The following CSNK2A2IP variants were observed in gnomAD, a reference collection of about 807,000 sequenced individuals.
CSNK2A2IP encodes casein kinase 2 subunit alpha' interacting protein.
the CSNK2A2IP span, among the ~76,000 whole-genome samples, chr3:88,417,621 C>T: frequency 3.9e-5 from 6 of 152,200 alleles, no homozygotes; most frequent in Non-Finnish European, 8.8e-5. Flanking sequence ...ATGAGTATGA[C>T]AGGCAATCTA....
chr3:88,438,486 C>T, the CSNK2A2IP span, among the ~76,000 whole-genome samples: 7 of 152,142 alleles, frequency 4.6e-5, no homozygotes, highest in Admixed American at 2.0e-4. Context: ...CCCCACCTTT[C>T]TGTGTAAGTG....
At chr3:88,364,257 T>C in the CSNK2A2IP span, among the ~76,000 whole-genome samples, 1 of 152,176 alleles carries the variant, frequency 6.6e-6, no homozygotes, top group African/African-American at 2.4e-5. Context: ...CTGAAAAACA[T>C]CATTTTATAT....
At chr3:88,431,188 T>TGG in the CSNK2A2IP span, 2 of 152,196 alleles carry the variant, frequency 1.3e-5, no homozygotes, top group African/African-American at 4.8e-5. Flanking sequence ...ATATTAAGTT[T>TGG]GGGGCTGGTC....
At chr3:88,370,851 A>T in the CSNK2A2IP span, among the ~76,000 whole-genome samples, 1 of 151,670 alleles carries the variant, frequency 6.6e-6, no homozygotes, top group Non-Finnish European at 1.5e-5. Context: ...TGGAGCCTTG[A>T]TTTGATAAGA....
the CSNK2A2IP span, among the ~76,000 whole-genome samples, chr3:88,371,270 T>A: frequency 6.6e-6 from 1 of 151,856 alleles, no homozygotes; most frequent in African/African-American, 2.4e-5. Flanking sequence ...GCAGCTATTA[T>A]AAGTTTTCAA....
the CSNK2A2IP span, among the ~76,000 whole-genome samples, chr3:88,423,425 A>G: frequency 1.5e-4 from 23 of 152,054 alleles, no homozygotes; most frequent in Admixed American, 1.4e-3. Flanking sequence ...AAGTGTCAAG[A>G]TTACAAGGAG....
the CSNK2A2IP span, among the ~76,000 whole-genome samples, chr3:88,403,730 G>A: frequency 6.6e-6 from 1 of 152,112 alleles, no homozygotes; most frequent in Non-Finnish European, 1.5e-5. Flanking sequence ...AGGAGCTCAG[G>A]CTTAGAGGGA....
chr3:88,451,560 T>A, the CSNK2A2IP span, among the ~76,000 whole-genome samples: 1 of 151,990 alleles, frequency 6.6e-6, no homozygotes, highest in African/African-American at 2.4e-5. Flanking sequence ...TGATTCTACC[T>A]AATGTTCCTT....
chr3:88,361,298 G>T, the CSNK2A2IP span, among the ~76,000 whole-genome samples: 1 of 152,140 alleles, frequency 6.6e-6, no homozygotes, highest in Admixed American at 6.5e-5. Context: ...AGATAGGGCT[G>T]GTTTTGGTGA....
chr3:88,418,086 A>G, the CSNK2A2IP span, among the ~76,000 whole-genome samples: 1 of 151,110 alleles, frequency 6.6e-6, no homozygotes, highest in African/African-American at 2.4e-5. Context: ...GGACTGTAGT[A>G]AATTTTATAG....
chr3:88,466,135 C>T, the CSNK2A2IP span: 34,333 of 1,231,614 alleles, frequency 0.028, 545 homozygotes, highest in Non-Finnish European at 0.031. Context: ...TTGGACATCA[C>T]CTTCTTTCAA....
the CSNK2A2IP span, among the ~76,000 whole-genome samples, chr3:88,364,309 G>T: frequency 4.6e-5 from 7 of 151,908 alleles, no homozygotes; most frequent in Non-Finnish European, 1.0e-4. Context: ...GCTTCAGGTG[G>T]GATGGTAAAT....
chr3:88,447,659 T>G, the CSNK2A2IP span, among the ~76,000 whole-genome samples: 69 of 152,098 alleles, frequency 4.5e-4, no homozygotes, highest in Non-Finnish European at 7.1e-4. Flanking sequence ...TGTATTTGTA[T>G]AAAAATGCAG....
chr3:88,412,092 G>A, the CSNK2A2IP span, among the ~76,000 whole-genome samples: 1 of 151,768 alleles, frequency 6.6e-6, no homozygotes, highest in East Asian at 1.9e-4. Flanking sequence ...AGTTTGGTGT[G>A]AAAAATAAGT....
chr3:88,440,013 A>G, the CSNK2A2IP span, among the ~76,000 whole-genome samples: 1 of 152,168 alleles, frequency 6.6e-6, no homozygotes, highest in Non-Finnish European at 1.5e-5. Context: ...TGACAGTGTA[A>G]TGTTAGGCAA....
At chr3:88,351,642 A>G in the CSNK2A2IP span, among the ~76,000 whole-genome samples, 1 of 152,118 alleles carries the variant, frequency 6.6e-6, no homozygotes, top group Admixed American at 6.6e-5. Flanking sequence ...ATATGTAGTC[A>G]TTTCCCATGC....
the CSNK2A2IP span, among the ~76,000 whole-genome samples, chr3:88,389,781 A>G: frequency 1.9e-4 from 29 of 151,760 alleles, no homozygotes; most frequent in African/African-American, 6.8e-4. Context: ...AAAAATACAC[A>G]TTGGAGTGCA....
the CSNK2A2IP span, among the ~76,000 whole-genome samples, chr3:88,383,287 G>C: frequency 6.6e-6 from 1 of 152,300 alleles, no homozygotes. Flanking sequence ...GGACATTGGA[G>C]TTGGGCAGAC....
At chr3:88,389,493 T>C in the CSNK2A2IP span, among the ~76,000 whole-genome samples, 3 of 152,174 alleles carry the variant, frequency 2.0e-5, no homozygotes, top group African/African-American at 2.4e-5. Context: ...GAGGGACTTA[T>C]AGGCCATCGT....
Sources: allele counts gnomAD v4.1 joint callset (sites outside exome capture counted in the v4.1 genomes callset), GRCh38; gene constraint gnomAD v4.1.1; transcripts MANE v1.5; gene names NCBI Gene and HGNC (gene_info 2026-07-23, HGNC 2026-07-21).